CTNNA2: variants seen among roughly 807,000 people sequenced by gnomAD.
CTNNA2 encodes the protein catenin alpha 2.
Under a neutral mutation model 101.0 loss-of-function variants are expected in CTNNA2, and 42 were observed. The ratio of observed to expected loss-of-function variants is 0.42; its 90% CI spans 0.32 to 0.54. CTNNA2 has a LOEUF of 0.54. CTNNA2 is among the 20% of genes least tolerant of loss of function. The pLI is 0.14. For synonymous variants in CTNNA2, 450 were observed against 456.4 expected, an observed-to-expected ratio of 0.99 and a Z score of 0.18; for missense variants, 871 against 1,223.1, an observed-to-expected ratio of 0.71 and a Z score of 4.29.
intron 9 of CTNNA2, among the ~76,000 whole-genome samples, chr2:80,439,761 T>C (rs1682391765): frequency 6.6e-6 from 1 of 152,200 alleles, no homozygotes; most frequent in African/African-American, 2.4e-5. Context: ...TTGAAAACAC[T>C]TTCCTCAATA....
At chr2:80,174,959 C>A (rs1449561934) in intron 7 of CTNNA2, among the ~76,000 whole-genome samples, 1 of 152,122 alleles carries the variant, frequency 6.6e-6, no homozygotes, top group Non-Finnish European at 1.5e-5. Context: ...CCCTCACCTT[C>A]ACTTCTCTCC....
At chr2:80,215,458 G>T (rs1292417994) in intron 7 of CTNNA2, among the ~76,000 whole-genome samples, 1 of 152,170 alleles carries the variant, frequency 6.6e-6, no homozygotes, top group South Asian at 2.1e-4. Context: ...TGTCCTTTCT[G>T]TTTGTTAGTT....
At chr2:79,208,464 G>A (rs11679576) in intron 2 of CTNNA2, among the ~76,000 whole-genome samples, 4,791 of 152,180 alleles carry the variant, frequency 0.031, 111 homozygotes, top group Middle Eastern at 0.054. Flanking sequence ...GGGGATATCC[G>A]GTTTGAAACA....
chr2:80,041,055 C>A (rs910420685), intron 7 of CTNNA2, among the ~76,000 whole-genome samples: 3 of 151,706 alleles, frequency 2.0e-5, no homozygotes, highest in African/African-American at 7.3e-5. Context: ...AAGATCTCCA[C>A]AATATTTTAT....
intron 2 of CTNNA2, among the ~76,000 whole-genome samples, chr2:79,681,898 G>A (rs191955763): frequency 8.5e-5 from 13 of 152,264 alleles, no homozygotes; most frequent in African/African-American, 2.6e-4. Context: ...TATCTTTGAG[G>A]TTTATTAGAA....
rs191113633 is a variant in CTNNA2 at position 80,452,351 on chromosome 2, A to C, written c.1290+32750A>C. Among the ~76,000 whole-genome samples, 16 of 151,778 alleles carry C rather than the reference A, an allele frequency of 1.1e-4. 2 individuals carry two copies. The highest frequency in any genetic ancestry group is 3.9e-4 in the Admixed American group (6 of 15,284). On this transcript the variant is annotated intron_variant, in intron 9 of 18. Transcript: ENST00000402739. Reference sequence around the variant, plus strand: ...GACAGGCATTGTGCTAGGTACCATAAACATGGATGAGTAACACAGATGTGA... The same window carrying C: ...GACAGGCATTGTGCTAGGTACCATACACATGGATGAGTAACACAGATGTGA...
Position 80,151,104 on chromosome 2 carries a change from C to T in CTNNA2, c.1056+241307C>T, listed in dbSNP as rs542307242. Among the ~76,000 whole-genome samples, 214 of 152,320 alleles carry T rather than the reference C, an allele frequency of 1.4e-3. 1 individual carries two copies. The highest frequency in any genetic ancestry group is 2.5e-3 in the Non-Finnish European group (167 of 68,030). On this transcript the variant is annotated intron_variant, in intron 7 of 18. Coordinates refer to ENST00000402739, the MANE Select transcript of CTNNA2 (RefSeq NM_001282597.3). The stretch of plus-strand genomic sequence containing the variant: ...TCTCCCCATTCTCTTTTATGCCCCA[C>T]TCTCCAGGCCTCATTGCTGGGCAGT...
intron 1 of CTNNA2, among the ~76,000 whole-genome samples, chr2:79,189,368 T>C (rs983108693): frequency 1.3e-5 from 2 of 152,200 alleles, no homozygotes; most frequent in African/African-American, 2.4e-5. Flanking sequence ...TTCTCGAATA[T>C]GCTTTTATTT....
intron 7 of CTNNA2, among the ~76,000 whole-genome samples, chr2:79,993,507 T>C (rs774678116): frequency 1.3e-5 from 2 of 152,178 alleles, no homozygotes; most frequent in Non-Finnish European, 2.9e-5. Context: ...CAGTATACAG[T>C]CACATGAAGA....
chr2:79,382,654 C>G (rs1678052310), intron 4 of CTNNA2, among the ~76,000 whole-genome samples: 1 of 152,142 alleles, frequency 6.6e-6, no homozygotes, highest in Admixed American at 6.5e-5. Context: ...CGCTCTGTCG[C>G]CCAGGCTGGA....
chr2:79,814,572 T>C (rs1677317554), intron 3 of CTNNA2, among the ~76,000 whole-genome samples: 2 of 151,974 alleles, frequency 1.3e-5, no homozygotes, highest in East Asian at 1.9e-4. Flanking sequence ...TCATTCCTTT[T>C]CATGGCTGTG....
chr2:80,301,971 T>C (rs1676363747), intron 7 of CTNNA2: 1 of 355,410 alleles, frequency 2.8e-6, no homozygotes, highest in Non-Finnish European at 5.0e-6. Flanking sequence ...GATTCCTGAA[T>C]ATGGACAGAT....
intron 9 of CTNNA2, among the ~76,000 whole-genome samples, chr2:80,437,000 G>T (rs1454523598): frequency 6.6e-6 from 1 of 152,164 alleles, no homozygotes; most frequent in Non-Finnish European, 1.5e-5. Flanking sequence ...AAGTGACTGG[G>T]TAATGAGGGC....
intron 9 of CTNNA2, among the ~76,000 whole-genome samples, chr2:80,452,188 C>G (rs907854124): frequency 6.8e-6 from 1 of 146,904 alleles, no homozygotes; most frequent in Non-Finnish European, 1.5e-5. Context: ...GGTCATGAAC[C>G]TAGTACATAA....
chr2:79,311,279 G>A (rs980065712), intron 2 of CTNNA2, among the ~76,000 whole-genome samples: 3 of 151,904 alleles, frequency 2.0e-5, no homozygotes, highest in African/African-American at 7.3e-5. Context: ...CGTGATGGCG[G>A]GCGCCAGTAG....
At chr2:80,266,408 G>A (rs1673004802) in intron 7 of CTNNA2, among the ~76,000 whole-genome samples, 1 of 152,192 alleles carries the variant, frequency 6.6e-6, no homozygotes, top group Non-Finnish European at 1.5e-5. Flanking sequence ...GAGAGTGTGT[G>A]GGGGCTCCCT....
intron 3 of CTNNA2, among the ~76,000 whole-genome samples, chr2:79,758,723 C>G (rs951788300): frequency 6.6e-6 from 1 of 152,170 alleles, no homozygotes; most frequent in Non-Finnish European, 1.5e-5. Context: ...TGCATTAATT[C>G]ACTTAGGATA....
chr2:79,250,390 C>T (rs1189566088), intron 2 of CTNNA2, among the ~76,000 whole-genome samples: 1 of 152,138 alleles, frequency 6.6e-6, no homozygotes, highest in Non-Finnish European at 1.5e-5. Flanking sequence ...CTTGCAGACT[C>T]ATAACTATAC....
At chr2:80,377,767 C>T (rs994838389) in intron 7 of CTNNA2, among the ~76,000 whole-genome samples, 3 of 152,066 alleles carry the variant, frequency 2.0e-5, no homozygotes, top group Non-Finnish European at 2.9e-5. Context: ...CTTTCCATGG[C>T]GACACATGGC....
Sources: gnomAD v4.1 joint callset for allele counts (sites outside exome capture counted in the v4.1 genomes callset) on GRCh38, gnomAD v4.1.1 for gene constraint, MANE v1.5 for transcripts, NCBI Gene and HGNC (gene_info 2026-07-23, HGNC 2026-07-21) for gene names.